Variants in RCC2 observed in about 807,000 individuals in gnomAD.
RCC2 encodes regulator of chromosome condensation 2.
RCC2 carries 19 observed loss-of-function variants against 64.1 expected under a neutral mutation model. The observed-to-expected ratio is 0.30, with a 90% confidence interval of 0.21 to 0.44. The LOEUF is 0.44. RCC2 is among the 20% of genes least tolerant of loss of function. RCC2 has a pLI of 1.00. For synonymous variants in RCC2, 325 were observed against 279.6 expected, an observed-to-expected ratio of 1.16 and a Z score of -1.62; for missense variants, 508 against 710.4, an observed-to-expected ratio of 0.72 and a Z score of 3.24.
chr1:17,421,932 G>A (rs1221463493), intron 6 of RCC2, among the ~76,000 whole-genome samples: 2 of 152,150 alleles, frequency 1.3e-5, no homozygotes, highest in African/African-American at 2.4e-5. Context: ...GGCTGAGGCC[G>A]GGGAATCACT....
intron 11 of RCC2, among the ~76,000 whole-genome samples, chr1:17,411,626 T>C (rs1170189887): frequency 6.8e-6 from 1 of 148,136 alleles, no homozygotes; most frequent in Non-Finnish European, 1.5e-5. Flanking sequence ...GATCTAAGAA[T>C]GAAAGACATT....
At chr1:17,436,890 T>C (rs533627193) in intron 2 of RCC2, among the ~76,000 whole-genome samples, 1 of 152,324 alleles carries the variant, frequency 6.6e-6, no homozygotes, top group Non-Finnish European at 1.5e-5. Context: ...GGAAAACAGT[T>C]CCTGTGTTCC....
At chr1:17,420,960 A>T in intron 6 of RCC2, 132 bp from the exon 7 acceptor site, 1 of 640,660 alleles carries the variant, frequency 1.6e-6, no homozygotes, top group Non-Finnish European at 2.7e-6. Context: ...TTCTGAAGGC[A>T]AAAGCTGAAG....
In RCC2 at chr1:17,418,159, C is replaced by T. The variant is rs576696443; in HGVS notation, c.860-1513G>A. On this transcript the variant is annotated intron_variant, in intron 7 of 12. Coordinates refer to ENST00000375436, the MANE Select transcript of RCC2 (RefSeq NM_018715.4). ...CACAACTACGCTACACACAATAAAA[C>T]TCCTGGGCTTGTTTACAGGGCGCCT... Among the ~76,000 whole-genome samples, 13 of 152,080 alleles carry T rather than the reference C, an allele frequency of 8.5e-5. No individual in the cohort carries two copies. The East Asian group carries it at 2.3e-3, about 27-fold the overall frequency.
At chr1:17,417,056 T>C (rs2100362205) in intron 7 of RCC2, among the ~76,000 whole-genome samples, 1 of 152,266 alleles carries the variant, frequency 6.6e-6, no homozygotes, top group South Asian at 2.1e-4. Context: ...GTAAGATCTC[T>C]ACCCCACTGG....
intron 2 of RCC2, among the ~76,000 whole-genome samples, chr1:17,435,415 C>CA (rs2075725953): frequency 1.3e-5 from 2 of 152,198 alleles, no homozygotes; most frequent in African/African-American, 4.8e-5. Context: ...GCAAGGCATG[C>CA]AAAATGCTCA....
At chr1:17,412,951 G>C (rs962575954) in intron 10 of RCC2, 122 bp downstream of exon 10, 1 of 704,396 alleles carries the variant, frequency 1.4e-6, no homozygotes, top group African/African-American at 1.8e-5. Context: ...CAGATGGCCT[G>C]CTGAGGACAG....
At chr1:17,438,066 G>T (rs1160339049) in intron 2 of RCC2, among the ~76,000 whole-genome samples, 164 bp downstream of exon 2, 1 of 146,818 alleles carries the variant, frequency 6.8e-6, no homozygotes, top group Non-Finnish European at 1.5e-5. Context: ...CCCTTTTGTT[G>T]CGCGGAGGCG....
At chr1:17,431,359 A>AAAAAAAAAAATATAT (rs1553158471) in intron 2 of RCC2, among the ~76,000 whole-genome samples, 9 of 44,928 alleles carry the variant, frequency 2.0e-4, no homozygotes, top group Non-Finnish European at 3.1e-4. Context: ...AAAAAAAAAA[A>AAAAAAAAAAATATAT]ATATATATAT....
chr1:17,438,189 C>A, intron 2 of RCC2, 41 bp downstream of exon 2: 1 of 1,167,130 alleles, frequency 8.6e-7, no homozygotes, highest in Non-Finnish European at 1.1e-6. Context: ...GCCCGCCGGC[C>A]CCGGCCCTGC....
chr1:17,438,342 T>A lies in RCC2; in HGVS notation c.173A>T (p.Glu58Val). The stretch of plus-strand genomic sequence containing the variant: ...GCCCCCGCCGGGGGCCCCGTCGAGC[T>A]CCAGGCCGTCCTCGTCGCCGCTGCT... ...GGSSGDEDGLELDGAPGGGKR... is the reference protein window; with the variant it reads ...GGSSGDEDGLVLDGAPGGGKR... The change falls in exon 2 of 13, where the codon GAG becomes GTG. Residue 58 changes from glutamate to valine, a missense_variant. Physicochemically the swap from Glu to Val is moderately radical, Grantham distance 121 (BLOSUM62 -2). Coordinates refer to ENST00000375436, the MANE Select transcript of RCC2 (RefSeq NM_018715.4). 1 of 1,242,138 alleles carries A rather than the reference T, an allele frequency of 8.1e-7. No individual in the cohort carries two copies. The highest frequency in any genetic ancestry group is 1.0e-6 in the Non-Finnish European group (1 of 992,176). The allele number at this position is 1,242,138 out of a possible 1,614,324, so 76.9% of individuals were successfully genotyped here.
At chr1:17,412,098 TG>T (rs2075433492) in intron 11 of RCC2, 23 bp downstream of exon 11, 1 of 1,612,880 alleles carries the variant, frequency 6.2e-7, no homozygotes, top group South Asian at 1.1e-5. Context: ...CCACTTCCCC[TG>T]ACCCGCACAG....
In RCC2 at chr1:17,425,730, G is replaced by T. The variant is rs774535324; in HGVS notation, c.380-46C>A. 9.0e-6 allele frequency: 14 copies of T among 1,562,140 alleles called. No homozygotes were observed. In the South Asian group the frequency reaches 1.4e-4, roughly 16 times the overall value. ...CAGATCAGACACCTGGGGTGGTGGG[G>T]TGACCTCCAAAATGTCACTGGCCAC... On this transcript the variant is annotated intron_variant, in intron 3 of 12. Transcript: ENST00000375436.
chr1:17,417,024 TG>T (rs2075494604), intron 7 of RCC2, among the ~76,000 whole-genome samples: 1 of 152,188 alleles, frequency 6.6e-6, no homozygotes, highest in South Asian at 2.1e-4. Flanking sequence ...TTGAAGCTGC[TG>T]ATCAAGGAAT....
chr1:17,424,736 G>A (rs983551973), intron 4 of RCC2, among the ~76,000 whole-genome samples: 2 of 152,226 alleles, frequency 1.3e-5, no homozygotes, highest in Non-Finnish European at 2.9e-5. Flanking sequence ...GCGACAAAGG[G>A]TGGGGACAAA....
intron 1 of RCC2, among the ~76,000 whole-genome samples, chr1:17,439,009 G>C (rs3094883): frequency 0.66 from 98,734 of 150,470 alleles, 32,619 homozygotes; most frequent in African/African-American, 0.72. Flanking sequence ...ACCCACTCAT[G>C]GCATTTAATG....
At chr1:17,416,424 A>G in intron 8 of RCC2, 56 bp downstream of exon 8, 1 of 1,549,290 alleles carries the variant, frequency 6.5e-7, no homozygotes, top group Non-Finnish European at 8.8e-7. Flanking sequence ...ACTTGAGCAT[A>G]AACACCCCTT....
At chr1:17,423,485 G>T (rs2075578998) in intron 4 of RCC2, among the ~76,000 whole-genome samples, 1 of 152,208 alleles carries the variant, frequency 6.6e-6, no homozygotes, top group Admixed American at 6.5e-5. Flanking sequence ...TGCTGCAGGT[G>T]CGACCAAGGC....
intron 8 of RCC2, among the ~76,000 whole-genome samples, chr1:17,414,955 C>T (rs1048644706): frequency 1.3e-5 from 2 of 152,202 alleles, no homozygotes; most frequent in Admixed American, 1.3e-4. Context: ...CCCACAGGTA[C>T]AGAGGTAACC....
Sources: gnomAD v4.1 joint callset for allele counts (sites outside exome capture counted in the v4.1 genomes callset) on GRCh38, gnomAD v4.1.1 for gene constraint, MANE v1.5 for transcripts, NCBI Gene and HGNC (gene_info 2026-07-23, HGNC 2026-07-21) for gene names.